GREB1: variants seen among roughly 807,000 people sequenced by gnomAD.
The protein encoded by GREB1 is protein GREB1.
GREB1 carries 106 observed loss-of-function variants against 200.7 expected under a neutral mutation model. That is an observed-to-expected ratio of 0.53 (90% CI 0.45 to 0.62). GREB1 has a LOEUF of 0.62. Among genes scored for constraint, GREB1 ranks in the 20% least tolerant of loss-of-function variants. The probability of loss-of-function intolerance (pLI) is 0.00; values close to 1 mark genes in which losing one functional copy is unlikely to be tolerated. For missense variants in GREB1, 2,243 were observed against 2,556.8 expected (o/e 0.88, Z 2.65); for synonymous variants, 1,132 against 1,092.4 (o/e 1.04, Z -0.72).
Position 11,491,321 on chromosome 2 carries a change from TTTTG to T in GREB1, c.-159+8944_-159+8947del, listed in dbSNP as rs199584236. 8.7e-3 allele frequency among the ~76,000 whole-genome samples: 1,323 copies of T among 152,344 alleles called. 20 individuals carry two copies. Among genetic ancestry groups the T allele is most frequent in the African/African-American group, 0.031 (1,268 of 41,568 alleles). On this transcript the variant is annotated intron_variant, in intron 1 of 2. Transcript: ENST00000628795. ...ATATCTGCATATTAGTGTGTTCAAG[TTTTG>T]TTTTATTTCTTTTAATACAGCTTCT...
Position 11,641,730 on chromosome 2 carries a change from C to T in GREB1, c.*1276C>T, listed in dbSNP as rs966957326. On this transcript the variant is annotated 3_prime_UTR_variant, in exon 33 of 33. Transcript: ENST00000381486. ...CTCGATCTCCTGACCTCGTGATCCGCCCGCCTCGGCCTCCCAAAGTGCTGG... is the reference window on the plus strand; with the variant it reads ...CTCGATCTCCTGACCTCGTGATCCGTCCGCCTCGGCCTCCCAAAGTGCTGG... 6.6e-6 allele frequency: 1 copy of T among 152,202 alleles called. No individual in the cohort carries two copies. The highest frequency in any genetic ancestry group is 2.4e-5 in the African/African-American group (1 of 41,416). 9.4% of individuals were successfully genotyped at this position (152,202 alleles called of 1,614,324 possible).
At chr2:11,518,967 G>A (rs901838900) in intron 1 of GREB1, among the ~76,000 whole-genome samples, 6 of 151,928 alleles carry the variant, frequency 3.9e-5, no homozygotes, top group African/African-American at 1.2e-4. Flanking sequence ...GGGCGTGGTG[G>A]TAGGTGCCTG....
chr2:11,628,635 T>C (rs572790862), intron 25 of GREB1, among the ~76,000 whole-genome samples: 38 of 152,212 alleles, frequency 2.5e-4, no homozygotes, highest in Non-Finnish European at 4.9e-4. Context: ...GTTTTTCTTT[T>C]AAGGCAAACA....
At chr2:11,587,613 G>A (rs1429460113) in intron 9 of GREB1, 2 of 1,449,074 alleles carry the variant, frequency 1.4e-6, no homozygotes, top group African/African-American at 1.4e-5. Context: ...CCCGAGCCCA[G>A]CAGGACATCT....
chr2:11,503,298 C>T (rs1451410249), intron 1 of GREB1, among the ~76,000 whole-genome samples: 1 of 152,138 alleles, frequency 6.6e-6, no homozygotes, highest in African/African-American at 2.4e-5. Context: ...TCTATTGCTT[C>T]GAGTGCTTAC....
At position 11,576,965 on chromosome 2, in the gene GREB1, G is replaced by A. The variant is rs147152427; in HGVS notation, c.637+430G>A. Among the ~76,000 whole-genome samples, 125 of 152,230 alleles carry A rather than the reference G, an allele frequency of 8.2e-4. 2 individuals are homozygous for A. The East Asian group carries it at 0.022, about 27-fold the overall frequency. ...CAGGAGAATCACTTGAACCTGGGAGGTGGAGGTTGCAGTGAGCTGAGATGG... is the reference window on the plus strand; with the variant it reads ...CAGGAGAATCACTTGAACCTGGGAGATGGAGGTTGCAGTGAGCTGAGATGG... On this transcript the variant is annotated intron_variant, in intron 5 of 32. Transcript: ENST00000381486.
At chr2:11,592,200 TTTTAAC>T (rs971669999) in intron 10 of GREB1, 4,654 of 460,632 alleles carry the variant, frequency 0.01, 8 homozygotes, top group Middle Eastern at 0.013. Context: ...TTTTTTTTTT[TTTTAAC>T]AACAGCAGTG....
intron 1 of GREB1, among the ~76,000 whole-genome samples, chr2:11,484,629 A>AAAAAAATT: frequency 6.6e-6 from 1 of 151,912 alleles, no homozygotes; most frequent in South Asian, 2.1e-4. Context: ...AAAAGAAAGA[A>AAAAAAATT]AAAAAATTAG....
chr2:11,559,485 C>T (rs1178509563), intron 2 of GREB1, among the ~76,000 whole-genome samples: 3 of 152,170 alleles, frequency 2.0e-5, no homozygotes, highest in South Asian at 2.1e-4. Flanking sequence ...TCTGAATTGC[C>T]GTTCTTAGCA....
intron 1 of GREB1, among the ~76,000 whole-genome samples, chr2:11,496,792 C>G (rs527666763): frequency 6.6e-6 from 1 of 152,304 alleles, no homozygotes; most frequent in African/African-American, 2.4e-5. Context: ...ACTATGGCAA[C>G]ATTGATACAG....
At chr2:11,612,099 C>A (rs917604178) in intron 18 of GREB1, among the ~76,000 whole-genome samples, 21 of 150,284 alleles carry the variant, frequency 1.4e-4, no homozygotes, top group African/African-American at 5.1e-4. Context: ...GAGGCTGAGG[C>A]AGGAGAATCA....
intron 1 of GREB1, among the ~76,000 whole-genome samples, chr2:11,512,875 G>A (rs1053184688): frequency 2.0e-5 from 3 of 152,196 alleles, no homozygotes; most frequent in Non-Finnish European, 2.9e-5. Context: ...TTACTTAGGC[G>A]GATATGGCTT....
At chr2:11,518,574 G>A (rs1673590807) in intron 1 of GREB1, among the ~76,000 whole-genome samples, 1 of 152,112 alleles carries the variant, frequency 6.6e-6, no homozygotes, top group Non-Finnish European at 1.5e-5. Context: ...AATGCAGACA[G>A]ATCCATCCAG....
At chr2:11,494,159 C>G (rs1672829287) in intron 1 of GREB1, among the ~76,000 whole-genome samples, 1 of 152,224 alleles carries the variant, frequency 6.6e-6, no homozygotes, top group South Asian at 2.1e-4. Flanking sequence ...TTTTGTCTTA[C>G]TCCAAAGTGG....
At chr2:11,527,924 A>C (rs975850978) in intron 1 of GREB1, among the ~76,000 whole-genome samples, 1 of 152,216 alleles carries the variant, frequency 6.6e-6, no homozygotes, top group Non-Finnish European at 1.5e-5. Flanking sequence ...AGACCTATCA[A>C]TATCCCTAAG....
chr2:11,538,609 G>GTTTCTTTCTTTCTTTC (rs66497558), intron 1 of GREB1, among the ~76,000 whole-genome samples: 8 of 99,770 alleles, frequency 8.0e-5, no homozygotes, highest in East Asian at 2.9e-4. Context: ...AGGAGCTTGT[G>GTTTCTTTCTTTCTTTC]TTTCTTTCTT....
At chr2:11,584,776 G>A (rs142686846) in intron 7 of GREB1, 9 of 161,392 alleles carry the variant, frequency 5.6e-5, no homozygotes, top group East Asian at 3.6e-4. Context: ...ATTTACAGCC[G>A]GGCGCGGTGG....
rs552440860 is a variant in GREB1 at position 11,640,558 on chromosome 2, C to T, written c.*104C>T. ...GGTGGGGCGTTTGACTGGAATGGAC[C>T]CCAGGGACTGTCCAGGTGCAGCCCC... On this transcript the variant is annotated 3_prime_UTR_variant, in exon 33 of 33. Transcript: ENST00000381486. The surrounding 1 kb of genome is among the most constrained non-coding windows in gnomAD (Gnocchi z 4.6). 4.5e-6 allele frequency: 6 copies of T among 1,335,964 alleles called. No homozygotes were observed. The highest frequency in any genetic ancestry group is 1.5e-5 in the African/African-American group (1 of 68,782). The allele number at this position is 1,335,964 out of a possible 1,614,324, so 82.8% of individuals were successfully genotyped here.
intron 1 of GREB1, among the ~76,000 whole-genome samples, chr2:11,501,541 G>A (rs933089532): frequency 3.9e-5 from 6 of 151,964 alleles, no homozygotes; most frequent in South Asian, 2.1e-4. Context: ...CTACAGGCAC[G>A]TGCCACCATG....
Sources: allele counts gnomAD v4.1 joint callset (sites outside exome capture counted in the v4.1 genomes callset), GRCh38; gene constraint gnomAD v4.1.1; non-coding constraint Gnocchi (gnomAD v3.1); transcripts MANE v1.5; gene names NCBI Gene and HGNC (gene_info 2026-07-23, HGNC 2026-07-21).